The following UBE2D1 variants were observed in gnomAD, a reference collection of about 807,000 sequenced individuals.
The protein encoded by UBE2D1 is ubiquitin-conjugating enzyme E2 D1.
In UBE2D1, 9 loss-of-function variants were observed where a neutral mutation model predicts 24.6. The observed-to-expected ratio is 0.37, with a 90% CI of 0.22 to 0.64. The LOEUF (loss-of-function observed/expected upper bound fraction) is 0.64, where lower values mean the gene tolerates loss of function less well. UBE2D1 is among the 30% of genes least tolerant of loss of function. UBE2D1 has a pLI of 0.64. For missense variants in UBE2D1, 87 were observed against 177.1 expected (o/e 0.49, Z 2.89); for synonymous variants, 57 against 57.6 (o/e 0.99, Z 0.04).
chr10:58,363,559 A>AT, intron 3 of UBE2D1, 50 bp from the exon 4 acceptor site: 2 of 1,325,210 alleles, frequency 1.5e-6, no homozygotes, highest in Middle Eastern at 4.0e-4. Flanking sequence ...TTTTGTTGTT[A>AT]TAAATAAATA....
At chr10:58,344,867 GTT>G (rs1304897036) in intron 1 of UBE2D1, among the ~76,000 whole-genome samples, 9 of 130,674 alleles carry the variant, frequency 6.9e-5, no homozygotes, top group Admixed American at 1.5e-4. Flanking sequence ...TAGTTTTTTT[GTT>G]TTTTTTTTTT....
chr10:58,358,150 A>G (rs994151037), intron 1 of UBE2D1, among the ~76,000 whole-genome samples: 2 of 152,200 alleles, frequency 1.3e-5, no homozygotes, highest in African/African-American at 2.4e-5. Flanking sequence ...CTTGTTAATA[A>G]AGAAAATCAG....
intron 1 of UBE2D1, among the ~76,000 whole-genome samples, chr10:58,357,656 A>G (rs962027578): frequency 1.3e-5 from 2 of 152,152 alleles, no homozygotes; most frequent in African/African-American, 4.8e-5. Flanking sequence ...AGGTCATTCT[A>G]TCTGCACATA....
intron 6 of UBE2D1, 48 bp downstream of exon 6, chr10:58,368,064 G>T (rs1333519458): frequency 7.6e-7 from 1 of 1,315,276 alleles, no homozygotes; most frequent in Admixed American, 1.8e-5. Context: ...TTCCTATATA[G>T]TATGCCAAAA....
intron 1 of UBE2D1, among the ~76,000 whole-genome samples, chr10:58,357,704 A>G (rs1333683452): frequency 6.6e-6 from 1 of 152,160 alleles, no homozygotes; most frequent in Non-Finnish European, 1.5e-5. Flanking sequence ...TGAAAAAATA[A>G]CAGGACGTAT....
intron 3 of UBE2D1, 28 bp downstream of exon 3, chr10:58,361,554 A>T: frequency 6.2e-7 from 1 of 1,613,476 alleles, no homozygotes; most frequent in African/African-American, 1.3e-5. Context: ...CTATGAAATT[A>T]ACCCCCTCAG....
intron 1 of UBE2D1, among the ~76,000 whole-genome samples, chr10:58,341,804 A>G (rs921442679): frequency 1.3e-5 from 2 of 152,234 alleles, no homozygotes; most frequent in Non-Finnish European, 2.9e-5. Flanking sequence ...GTTAATGGTC[A>G]TCTACTAATG....
At chr10:58,342,107 G>A (rs1174829938) in intron 1 of UBE2D1, among the ~76,000 whole-genome samples, 1 of 152,104 alleles carries the variant, frequency 6.6e-6, no homozygotes, top group African/African-American at 2.4e-5. Context: ...ATCTGTGAAG[G>A]TTCAGTTTCA....
chr10:58,335,056 C>G lies in UBE2D1; in HGVS notation c.-146C>G. ...GGCGCACACGGAGCAGGGACCGGCG[C>G]CCGGAGCGAGCCAGGGAGCGGCTAA... On this transcript the variant is annotated 5_prime_UTR_variant, in exon 1 of 7. Coordinates refer to ENST00000373910, the MANE Select transcript of UBE2D1 (RefSeq NM_003338.5). The G allele has an allele frequency of 1.2e-6, 1 of 832,092 alleles. No homozygotes were observed. Among genetic ancestry groups the G allele is most frequent in the Non-Finnish European group, 1.9e-6 (1 of 540,338 alleles). The allele number at this position is 832,092 out of a possible 1,614,324, so 51.5% of individuals were successfully genotyped here.
intron 1 of UBE2D1, among the ~76,000 whole-genome samples, chr10:58,360,232 G>T (rs1048297800): frequency 1.3e-5 from 2 of 152,110 alleles, no homozygotes; most frequent in African/African-American, 4.8e-5. Flanking sequence ...TTAGATTTCA[G>T]CTTAAATGTC....
Position 58,368,035 on chromosome 10 carries a change from T to C in UBE2D1, c.398+19T>C. The C allele has an allele frequency of 6.4e-7, 1 of 1,557,438 alleles. No individual in the cohort carries two copies. Among genetic ancestry groups the C allele is most frequent in the Non-Finnish European group, 8.8e-7 (1 of 1,130,990 alleles). Reference sequence around the variant, plus strand: ...AAGAAAAGTAAGTGTTTACTTATTTTAGTTTCTGTATGGATACATTCCTAT... The same window carrying C: ...AAGAAAAGTAAGTGTTTACTTATTTCAGTTTCTGTATGGATACATTCCTAT... On this transcript the variant is annotated intron_variant, in intron 6 of 6. Transcript: ENST00000373910.
chr10:58,357,099 A>G (rs1288082635), intron 1 of UBE2D1, among the ~76,000 whole-genome samples: 1 of 152,130 alleles, frequency 6.6e-6, no homozygotes, highest in Non-Finnish European at 1.5e-5. Context: ...AGGGACTTCT[A>G]TTAGAGTGAG....
At chr10:58,366,255 T>C (rs1352869931) in intron 5 of UBE2D1, among the ~76,000 whole-genome samples, 1 of 152,200 alleles carries the variant, frequency 6.6e-6, no homozygotes, top group African/African-American at 2.4e-5. Flanking sequence ...TTATAAAGAA[T>C]CAGTAGTGTT....
At chr10:58,344,206 C>T (rs1839991935) in intron 1 of UBE2D1, among the ~76,000 whole-genome samples, 1 of 152,178 alleles carries the variant, frequency 6.6e-6, no homozygotes, top group South Asian at 2.1e-4. Flanking sequence ...TTCTCTGGAG[C>T]ATAGCTAAAA....
At chr10:58,349,434 T>C (rs182198533) in intron 1 of UBE2D1, among the ~76,000 whole-genome samples, 1 of 152,318 alleles carries the variant, frequency 6.6e-6, no homozygotes, top group East Asian at 1.9e-4. Context: ...GAATCAACAA[T>C]GCATTTCAAT....
At chr10:58,358,930 A>G (rs1394395019) in intron 1 of UBE2D1, among the ~76,000 whole-genome samples, 3 of 144,108 alleles carry the variant, frequency 2.1e-5, no homozygotes, top group South Asian at 2.2e-4. Context: ...TTGGTCCGTT[A>G]TTGCTTAACT....
intron 1 of UBE2D1, among the ~76,000 whole-genome samples, chr10:58,357,110 G>A (rs914576421): frequency 1.7e-4 from 26 of 152,248 alleles, no homozygotes; most frequent in African/African-American, 6.0e-4. Context: ...TTAGAGTGAG[G>A]AATGTGGAGT....
chr10:58,353,684 A>T (rs886609286), intron 1 of UBE2D1, among the ~76,000 whole-genome samples: 1 of 152,188 alleles, frequency 6.6e-6, no homozygotes. Flanking sequence ...TTAGTAATTA[A>T]TATTCTTTTG....
intron 1 of UBE2D1, among the ~76,000 whole-genome samples, chr10:58,349,076 C>T (rs933692368): frequency 2.0e-5 from 3 of 152,080 alleles, no homozygotes; most frequent in Non-Finnish European, 4.4e-5. Flanking sequence ...GAAATCTGAA[C>T]TAGAATAGAG....
Sources: allele counts gnomAD v4.1 joint callset (sites outside exome capture counted in the v4.1 genomes callset), GRCh38; gene constraint gnomAD v4.1.1; transcripts MANE v1.5; gene names NCBI Gene and HGNC (gene_info 2026-07-23, HGNC 2026-07-21).